The following PSD3 variants were observed in gnomAD, a reference collection of about 807,000 sequenced individuals.
PSD3 encodes PH and SEC7 domain-containing protein 3.
Under a neutral mutation model 105.5 loss-of-function variants are expected in PSD3, and 49 were observed. The observed-to-expected ratio is 0.46, with a 90% CI of 0.37 to 0.59. PSD3 has a LOEUF of 0.59. Among genes scored for constraint, PSD3 ranks in the 20% least tolerant of loss-of-function variants. The pLI, the probability that PSD3 is intolerant of heterozygous loss-of-function variation, is 0.00. For synonymous variants in PSD3, 557 were observed against 457.8 expected (o/e 1.22, Z -2.77); for missense variants, 1,561 against 1,263.8 (o/e 1.24, Z -3.57).
intron 4 of PSD3, among the ~76,000 whole-genome samples, chr8:18,808,478 T>A (rs1247318219): frequency 2.0e-5 from 3 of 152,216 alleles, no homozygotes; most frequent in Non-Finnish European, 2.9e-5. Flanking sequence ...TCTCCATATT[T>A]GCCCCTTTTC....
chr8:18,660,818 A>G (rs1054757781), intron 9 of PSD3, among the ~76,000 whole-genome samples: 1 of 152,234 alleles, frequency 6.6e-6, no homozygotes, highest in African/African-American at 2.4e-5. Context: ...GCCAGATCAC[A>G]ATCACATACC....
rs35017140 is a variant in PSD3, at chr8:18,938,627, C to CA, written c.22-2486dup. ...GACAAAAGCGAAAATCCGTCTCAAA[C>CA]AAAAAAAAAAAAAAAAAAGAGGGAA... On this transcript the variant is annotated intron_variant, in intron 1 of 15. Transcript: ENST00000327040. 6.6e-3 allele frequency among the ~76,000 whole-genome samples: 725 copies of CA among 109,460 alleles called. 4 individuals are homozygous for CA. Among genetic ancestry groups the CA allele is most frequent in the Middle Eastern group, 0.011 (2 of 186 alleles). The allele number at this position is 109,460 out of a possible 152,430, so 71.8% of individuals were successfully genotyped here.
chr8:18,539,550 T>G (rs890706794), intron 15 of PSD3, among the ~76,000 whole-genome samples: 1 of 148,796 alleles, frequency 6.7e-6, no homozygotes, highest in Admixed American at 6.7e-5. Context: ...TAAATTACTT[T>G]TTTTTTTTTT....
upstream of PSD3, chr8:19,014,507 C>T (rs1233766771): frequency 6.6e-6 from 1 of 152,272 alleles, no homozygotes; most frequent in Non-Finnish European, 1.5e-5. The surrounding 1 kb of genome is among the most constrained non-coding windows in gnomAD (Gnocchi z 4.9). Flanking sequence ...TGGAACGGCG[C>T]CCTCCCCTGG....
intron 10 of PSD3, among the ~76,000 whole-genome samples, chr8:18,649,229 A>C (rs540231822): frequency 1.3e-5 from 2 of 152,328 alleles, no homozygotes; most frequent in South Asian, 4.1e-4. Flanking sequence ...CATGAGAGCA[A>C]CCGCAGGGAC....
At chr8:18,775,476 C>T (rs771127223) in intron 8 of PSD3, among the ~76,000 whole-genome samples, 4 of 151,980 alleles carry the variant, frequency 2.6e-5, no homozygotes, top group Non-Finnish European at 5.9e-5. Flanking sequence ...TATGAGTTTC[C>T]CTTTCTTTTC....
At chr8:18,595,961 C>G (rs1404758291) in intron 12 of PSD3, among the ~76,000 whole-genome samples, 1 of 152,006 alleles carries the variant, frequency 6.6e-6, no homozygotes, top group East Asian at 1.9e-4. Flanking sequence ...ATATTCTTCT[C>G]AAGTGCACAT....
intron 9 of PSD3, among the ~76,000 whole-genome samples, chr8:18,705,493 T>C (rs1175250034): frequency 7.9e-6 from 1 of 127,166 alleles, no homozygotes; most frequent in Non-Finnish European, 1.5e-5. Flanking sequence ...ACCGTGCCAC[T>C]ATACTTCAGC....
At chr8:18,636,487 G>C (rs187777797) in intron 10 of PSD3, among the ~76,000 whole-genome samples, 7 of 152,234 alleles carry the variant, frequency 4.6e-5, no homozygotes, top group Admixed American at 3.3e-4. Context: ...TTTTTAAAAA[G>C]AAATTTCCTG....
chr8:18,795,598 C>T (rs979508285), intron 8 of PSD3, among the ~76,000 whole-genome samples: 9 of 152,210 alleles, frequency 5.9e-5, no homozygotes, highest in African/African-American at 2.2e-4. Context: ...GCTGACTATG[C>T]TCTGATCTAT....
chr8:18,753,871 T>A (rs915871273), intron 9 of PSD3, among the ~76,000 whole-genome samples: 1 of 152,180 alleles, frequency 6.6e-6, no homozygotes, highest in Non-Finnish European at 1.5e-5. Context: ...GCAGCCATTC[T>A]GAGAGGCTAC....
intron 10 of PSD3, among the ~76,000 whole-genome samples, chr8:18,655,274 A>G (rs961179954): frequency 1.6e-4 from 24 of 150,204 alleles, no homozygotes; most frequent in Admixed American, 6.7e-5. Context: ...GCTTGCAGTG[A>G]GCCGAGATTG....
At chr8:18,946,978 T>C (rs1822902540) in intron 1 of PSD3, among the ~76,000 whole-genome samples, 1 of 151,096 alleles carries the variant, frequency 6.6e-6, no homozygotes, top group Admixed American at 6.6e-5. Flanking sequence ...AATATAAATA[T>C]ATATTTGACA....
intron 1 of PSD3, among the ~76,000 whole-genome samples, chr8:18,964,742 C>T (rs1347991137): frequency 6.6e-6 from 1 of 152,168 alleles, no homozygotes; most frequent in Non-Finnish European, 1.5e-5. Context: ...TCAACTCGCT[C>T]AAAGCCAGTG....
At chr8:18,883,465 C>T (rs7010136) in intron 2 of PSD3, among the ~76,000 whole-genome samples, 52,144 of 152,014 alleles carry the variant, frequency 0.34, 9,821 homozygotes, top group Admixed American at 0.47. Flanking sequence ...CTTGATTTTA[C>T]AGCTCATAGT....
At chr8:18,712,608 T>C (rs1298389026) in intron 9 of PSD3, among the ~76,000 whole-genome samples, 3 of 152,082 alleles carry the variant, frequency 2.0e-5, no homozygotes, top group African/African-American at 2.4e-5. Context: ...CAGACCAATA[T>C]TGAGTTCTGA....
At chr8:18,815,516 G>C (rs1268041381) in intron 4 of PSD3, among the ~76,000 whole-genome samples, 1 of 152,012 alleles carries the variant, frequency 6.6e-6, no homozygotes, top group African/African-American at 2.4e-5. Flanking sequence ...TCACCATGTT[G>C]GCCAGGCTGG....
chr8:18,704,457 C>T (rs1241019709), intron 9 of PSD3, among the ~76,000 whole-genome samples: 1 of 152,144 alleles, frequency 6.6e-6, no homozygotes, highest in East Asian at 1.9e-4. Flanking sequence ...CCTGTCTCAC[C>T]CTCCCCAGTA....
intron 9 of PSD3, among the ~76,000 whole-genome samples, chr8:18,740,200 G>A (rs538589527): frequency 2.6e-4 from 39 of 152,240 alleles, no homozygotes; most frequent in African/African-American, 8.9e-4. Context: ...CGACTGGCCC[G>A]CAAAACTGGA....
Sources: allele counts gnomAD v4.1 joint callset (sites outside exome capture counted in the v4.1 genomes callset), GRCh38; gene constraint gnomAD v4.1.1; non-coding constraint Gnocchi (gnomAD v3.1); transcripts MANE v1.5; gene names NCBI Gene and HGNC (gene_info 2026-07-23, HGNC 2026-07-21).